Variants in TCERG1L observed in about 807,000 individuals in gnomAD.
TCERG1L encodes transcription elongation regulator 1-like protein.
A neutral mutation model predicts 56.3 loss-of-function variants in TCERG1L; 37 were observed. The observed-to-expected ratio is 0.66, with a 90% CI of 0.51 to 0.87. The LOEUF (loss-of-function observed/expected upper bound fraction) is 0.87, where lower values mean the gene tolerates loss of function less well. Among genes scored for constraint, TCERG1L ranks in the 40% least tolerant of loss-of-function variants. The pLI, the probability that TCERG1L is intolerant of heterozygous loss-of-function variation, is 0.00. For synonymous variants in TCERG1L, 324 were observed against 326.3 expected, an observed-to-expected ratio of 0.99 and a Z score of 0.08; for missense variants, 799 against 774.2, an observed-to-expected ratio of 1.03 and a Z score of -0.38.
At chr10:131,093,405 C>T in intron 11 of TCERG1L, 87 bp from the exon 12 acceptor site, 3 of 1,501,812 alleles carry the variant, frequency 2.0e-6, no homozygotes, top group Non-Finnish European at 2.7e-6. Flanking sequence ...CCTGAGCAAG[C>T]ATCCAGCCCT....
At chr10:131,234,117 T>C (rs1383441374) in intron 4 of TCERG1L, among the ~76,000 whole-genome samples, 1 of 152,216 alleles carries the variant, frequency 6.6e-6, no homozygotes, top group African/African-American at 2.4e-5. Flanking sequence ...ATTTCCTTTA[T>C]CAGTTACCCA....
chr10:131,094,329 G>A (rs745525066), intron 11 of TCERG1L, among the ~76,000 whole-genome samples: 2 of 152,198 alleles, frequency 1.3e-5, no homozygotes, highest in Non-Finnish European at 2.9e-5. Flanking sequence ...TTCTTTGTCC[G>A]GGGGATTCTT....
At chr10:131,133,750 C>A in intron 8 of TCERG1L, among the ~76,000 whole-genome samples, 1 of 152,296 alleles carries the variant, frequency 6.6e-6, no homozygotes. Context: ...CAGGAGCCAA[C>A]CCCCAACTTG....
intron 7 of TCERG1L, among the ~76,000 whole-genome samples, chr10:131,141,135 G>A (rs1269717289): frequency 2.6e-5 from 4 of 152,154 alleles, no homozygotes. Flanking sequence ...ACTCAGGGAG[G>A]AAGTTCTAGA....
chr10:131,196,120 A>G (rs1201882430), intron 4 of TCERG1L, among the ~76,000 whole-genome samples: 1 of 152,220 alleles, frequency 6.6e-6, no homozygotes, highest in Non-Finnish European at 1.5e-5. Context: ...CTCCCGTTGC[A>G]GGAGACAAAA....
intron 7 of TCERG1L, among the ~76,000 whole-genome samples, chr10:131,144,457 T>C (rs12250513): frequency 0.05 from 7,619 of 152,188 alleles, 281 homozygotes; most frequent in South Asian, 0.22. Context: ...CCTGTCCTAA[T>C]TGTGTCGCTG....
chr10:131,300,379 A>G (rs191741243), intron 3 of TCERG1L, among the ~76,000 whole-genome samples: 1 of 152,264 alleles, frequency 6.6e-6, no homozygotes, highest in Admixed American at 6.5e-5. Flanking sequence ...CATAAGTTAA[A>G]CCATTTGATA....
At chr10:131,286,518 A>G (rs1314337103) in intron 3 of TCERG1L, among the ~76,000 whole-genome samples, 1 of 152,200 alleles carries the variant, frequency 6.6e-6, no homozygotes, top group Non-Finnish European at 1.5e-5. Flanking sequence ...TTCCTTCCGC[A>G]TTCTAATAAT....
rs1845155834 is a variant in TCERG1L, at chr10:131,180,168, G to T, written c.857-13283C>A. Reference sequence around the variant, plus strand: ...GGTGACATTGAAGTGAGACCCCAAGGATGGGTAGGGATGGGATAAAGAAGA... The same window carrying T: ...GGTGACATTGAAGTGAGACCCCAAGTATGGGTAGGGATGGGATAAAGAAGA... On this transcript the variant is annotated intron_variant, in intron 4 of 11. Transcript: ENST00000368642. 2.6e-5 allele frequency among the ~76,000 whole-genome samples: 4 copies of T among 152,304 alleles called. No individual in the cohort carries two copies. In the South Asian group the frequency reaches 8.3e-4, roughly 32 times the overall value.
At chr10:131,187,424 G>A (rs1845256232) in intron 4 of TCERG1L, among the ~76,000 whole-genome samples, 1 of 152,312 alleles carries the variant, frequency 6.6e-6, no homozygotes, top group South Asian at 2.1e-4. Context: ...TGGGTGTCCA[G>A]GTGGCCCAGC....
intron 8 of TCERG1L, among the ~76,000 whole-genome samples, chr10:131,120,710 G>C: frequency 6.6e-6 from 1 of 152,294 alleles, no homozygotes; most frequent in East Asian, 1.9e-4. Flanking sequence ...CCTCTATGTG[G>C]GCAAATGCAC....
intron 6 of TCERG1L, chr10:131,161,544 G>A (rs1845977077): frequency 6.6e-6 from 1 of 152,136 alleles, no homozygotes; most frequent in Non-Finnish European, 1.5e-5. Context: ...TAACACCTGT[G>A]CCTGAGGCTG....
At chr10:131,245,204 C>T (rs1194136154) in intron 4 of TCERG1L, among the ~76,000 whole-genome samples, 1 of 152,126 alleles carries the variant, frequency 6.6e-6, no homozygotes, top group Admixed American at 6.5e-5. Context: ...CACTGTGACC[C>T]CAACACACAC....
At chr10:131,258,556 AT>A (rs1426153714) in intron 4 of TCERG1L, among the ~76,000 whole-genome samples, 1 of 152,170 alleles carries the variant, frequency 6.6e-6, no homozygotes, top group Non-Finnish European at 1.5e-5. Context: ...TCCTGGTGGT[AT>A]TTCAACTTCA....
intron 4 of TCERG1L, among the ~76,000 whole-genome samples, chr10:131,202,454 T>C (rs1379789047): frequency 6.6e-6 from 1 of 151,934 alleles, no homozygotes; most frequent in African/African-American, 2.4e-5. Flanking sequence ...TGGTGGCGAG[T>C]GCCTGTAATC....
Position 131,311,321 on chromosome 10 carries a change from C to CGCGGCGGCG in TCERG1L, c.306_314dup (p.Ala103_Ala105dup), listed in dbSNP as rs576396565. On this transcript the variant is annotated inframe_insertion, in exon 1 of 12. Transcript: ENST00000368642. This position sits in a 1 kb window ranked among gnomAD's most constrained non-coding sequence, Gnocchi z 4.0. Reference sequence around the variant, plus strand: ...GCCCGTGGAGCGCGGGGAAGGGGTGCGCGGCGGCGGCGGCGGCGGAGTCTG... The same window carrying CGCGGCGGCG: ...GCCCGTGGAGCGCGGGGAAGGGGTGCGCGGCGGCGGCGGCGGCGGCGGCGGCGGAGTCTG... The CGCGGCGGCG allele has an allele frequency of 3.4e-6, 4 of 1,187,254 alleles. No individual in the cohort carries two copies. Among genetic ancestry groups the CGCGGCGGCG allele is most frequent in the East Asian group, 3.5e-5 (1 of 28,374 alleles). 73.5% of individuals were successfully genotyped at this position (1,187,254 alleles called of 1,614,324 possible).
At position 131,308,253 on chromosome 10, in the gene TCERG1L, T is replaced by C. The variant is rs560799956; in HGVS notation, c.628A>G (p.Arg210Gly). The stretch of plus-strand genomic sequence containing the variant: ...GCTAACACCACCGTGGGGAGCGGCC[T>C]GGAGGCAGGAGCCGGCCTGGACAGA... ...VSLSRPAPAS[R>G]PLPTVVLAPQ... Residue 210 changes from arginine (R) to glycine (G), a missense_variant, in exon 3 of 12, where the codon AGG becomes GGG. Coordinates refer to ENST00000368642, the MANE Select transcript of TCERG1L (RefSeq NM_174937.4). 54 of 1,613,802 alleles carry C rather than the reference T, an allele frequency of 3.3e-5. No individual in the cohort carries two copies. Among genetic ancestry groups the C allele is most frequent in the Non-Finnish European group, 4.3e-5 (51 of 1,179,866 alleles).
chr10:131,129,099 GAAGCGTGA>G (rs1274683654), intron 8 of TCERG1L, among the ~76,000 whole-genome samples: 1 of 152,114 alleles, frequency 6.6e-6, no homozygotes, highest in Non-Finnish European at 1.5e-5. Context: ...AAATAAAAAT[GAAGCGTGA>G]AAGGGAAAAC....
chr10:131,206,753 G>A (rs1401938275), intron 4 of TCERG1L, among the ~76,000 whole-genome samples: 1 of 152,192 alleles, frequency 6.6e-6, no homozygotes, highest in Non-Finnish European at 1.5e-5. Context: ...CCCCGACAGT[G>A]ATTTCCCAGG....
Sources: gnomAD v4.1 joint callset for allele counts (sites outside exome capture counted in the v4.1 genomes callset) on GRCh38, gnomAD v4.1.1 for gene constraint, Gnocchi (gnomAD v3.1) non-coding constraint, MANE v1.5 for transcripts, NCBI Gene and HGNC (gene_info 2026-07-23, HGNC 2026-07-21) for gene names.